NCBP2L: variants seen among roughly 807,000 people sequenced by gnomAD.
The protein encoded by NCBP2L is nuclear cap binding protein subunit 2 like.
For synonymous variants in NCBP2L, 39 were observed against 19.2 expected, an observed-to-expected ratio of 2.04 and a Z score of -2.70; for missense variants, 95 against 53.1, an observed-to-expected ratio of 1.79 and a Z score of -2.45.
intron 1 of NCBP2L, among the ~76,000 whole-genome samples, chrX:107,779,672 C>T (rs746612536): frequency 9.0e-5 from 10 of 110,694 alleles, no homozygotes; most frequent in Non-Finnish European, 1.3e-4. Context: ...AGGTGATCCA[C>T]CCGCTTCGGC....
chrX:107,791,492 T>G (rs952655258), intron 1 of NCBP2L, among the ~76,000 whole-genome samples: 1 of 112,358 alleles, frequency 8.9e-6, no homozygotes, highest in African/African-American at 3.2e-5. Flanking sequence ...GCAATCCACC[T>G]GCCTCGGCCT....
chrX:107,791,316 G>A, intron 1 of NCBP2L, among the ~76,000 whole-genome samples: 1 of 110,321 alleles, frequency 9.1e-6, no homozygotes, highest in South Asian at 4.0e-4. Context: ...GCACAATTAT[G>A]GCTCACTTCA....
intron 1 of NCBP2L, among the ~76,000 whole-genome samples, chrX:107,783,435 C>T (rs1452228487): frequency 9.8e-6 from 1 of 102,028 alleles, no homozygotes; most frequent in African/African-American, 3.7e-5. Flanking sequence ...TGCAGTGGCG[C>T]GATCTCCGCT....
intron 1 of NCBP2L, among the ~76,000 whole-genome samples, chrX:107,780,842 C>A (rs1476026584): frequency 9.1e-6 from 1 of 109,433 alleles, no homozygotes; most frequent in Non-Finnish European, 1.9e-5. Context: ...GTTGCCCAGG[C>A]TGGTCTTGAA....
chrX:107,788,837 C>T (rs1484069602), intron 1 of NCBP2L, among the ~76,000 whole-genome samples: 2 of 111,585 alleles, frequency 1.8e-5, no homozygotes, highest in African/African-American at 3.3e-5. Flanking sequence ...TACAGCCACC[C>T]TCTTCCAATC....
intron 1 of NCBP2L, among the ~76,000 whole-genome samples, chrX:107,789,646 C>T (rs1337554855): frequency 9.0e-6 from 1 of 111,147 alleles, no homozygotes; most frequent in South Asian, 3.8e-4. Context: ...TACTGGACCT[C>T]TCTCTGATGT....
chrX:107,782,165 CTATATATATATATATAAATATATATA>C (rs1930300778), intron 1 of NCBP2L, among the ~76,000 whole-genome samples: 1 of 40,606 alleles, frequency 2.5e-5, no homozygotes, highest in African/African-American at 1.2e-4. Flanking sequence ...TACATCACGG[CTATATATATATATATAAATATATATA>C]TATAAATATA....
chrX:107,781,656 A>G (rs183595448), intron 1 of NCBP2L, among the ~76,000 whole-genome samples: 2,264 of 64,148 alleles, frequency 0.035, 36 homozygotes, highest in Non-Finnish European at 0.047. Context: ...TCTATCATCT[A>G]TCTATCTATC....
At chrX:107,789,879 C>G (rs1199333937) in intron 1 of NCBP2L, among the ~76,000 whole-genome samples, 1 of 110,149 alleles carries the variant, frequency 9.1e-6, no homozygotes, top group African/African-American at 3.3e-5. Flanking sequence ...CATCCATACC[C>G]ATGGTTTTAT....
rs192388814 is a variant in NCBP2L at position 107,786,257 on chromosome X, A to G, written c.-72-7892A>G. ...GCTCTCAAAGTTCACTCTCAAGTCA[A>G]TTGTTTGGAAGGTGACATGCATTTT... is the stretch of plus-strand genomic sequence containing the variant. On this transcript the variant is annotated intron_variant, in intron 1 of 1. Coordinates refer to ENST00000509000, the MANE Select transcript of NCBP2L (RefSeq NM_001348372.2). 9.2e-4 allele frequency among the ~76,000 whole-genome samples: 103 copies of G among 111,661 alleles called. 2 individuals carry two copies. The Admixed American group carries it at 9.8e-3, about 11-fold the overall frequency.
intron 1 of NCBP2L, among the ~76,000 whole-genome samples, chrX:107,791,252 T>G (rs1930448239): frequency 9.2e-6 from 1 of 108,244 alleles, no homozygotes; most frequent in African/African-American, 3.3e-5. Context: ...CATTTATACT[T>G]TTTTTTTTTT....
intron 1 of NCBP2L, among the ~76,000 whole-genome samples, chrX:107,778,193 A>G (rs1181315132): frequency 8.9e-6 from 1 of 111,789 alleles, no homozygotes; most frequent in Non-Finnish European, 1.9e-5. Context: ...TTAGACCCAT[A>G]AATGTTTATT....
intron 1 of NCBP2L, among the ~76,000 whole-genome samples, chrX:107,782,186 T>A (rs1314149900): frequency 3.5e-5 from 1 of 28,210 alleles, no homozygotes; most frequent in African/African-American, 1.8e-4. Flanking sequence ...TATATAAATA[T>A]ATATATATAA....
At chrX:107,782,296 TATAA>T (rs1930323416) in intron 1 of NCBP2L, among the ~76,000 whole-genome samples, 1 of 33,961 alleles carries the variant, frequency 2.9e-5, no homozygotes, top group African/African-American at 3.7e-4. Context: ...AATATATATA[TATAA>T]ATATATATAT....
At chrX:107,781,694 A>C (rs181703609) in intron 1 of NCBP2L, among the ~76,000 whole-genome samples, 19,948 of 61,758 alleles carry the variant, frequency 0.32, 2,564 homozygotes, top group African/African-American at 0.52. Flanking sequence ...CTCTCTCTCT[A>C]TATATATATA....
intron 1 of NCBP2L, among the ~76,000 whole-genome samples, chrX:107,788,060 C>T (rs1930406881): frequency 8.9e-6 from 1 of 111,977 alleles, no homozygotes; most frequent in Admixed American, 9.5e-5. Context: ...TATTTTTAGA[C>T]TCTCTGACTA....
intron 1 of NCBP2L, among the ~76,000 whole-genome samples, chrX:107,792,727 G>C (rs1196751392): frequency 9.0e-6 from 1 of 111,516 alleles, no homozygotes; most frequent in Non-Finnish European, 1.9e-5. Context: ...TGTCCTTTGA[G>C]AATCAGTGCA....
intron 1 of NCBP2L, among the ~76,000 whole-genome samples, chrX:107,792,844 G>T (rs1023511036): frequency 4.5e-5 from 5 of 111,885 alleles, no homozygotes; most frequent in African/African-American, 9.8e-5. Flanking sequence ...TCACAAAGTA[G>T]ATCCCCAATA....
At position 107,794,781 on chromosome X, in the gene NCBP2L, C is replaced by G. The variant is rs1261312579; in HGVS notation, c.*99C>G. The G allele has an allele frequency of 2.5e-6, 1 of 394,711 alleles. No individual in the cohort carries two copies. The highest frequency in any genetic ancestry group is 2.5e-5 in the African/African-American group (1 of 39,367). 32.5% of individuals were successfully genotyped at this position (394,711 alleles called of 1,213,427 possible). On this transcript the variant is annotated 3_prime_UTR_variant, in exon 2 of 2. Transcript: ENST00000509000. ...ATAGCCAATTCCAAGTTTAAATTAC[C>G]TTACTTGTTGATGTATTTTTTTCTC...
Sources: gnomAD v4.1 joint callset for allele counts (sites outside exome capture counted in the v4.1 genomes callset) on GRCh38, gnomAD v4.1.1 for gene constraint, MANE v1.5 for transcripts, NCBI Gene and HGNC (gene_info 2026-07-23, HGNC 2026-07-21) for gene names.